Variants in SNX27 observed in about 807,000 individuals in gnomAD.
SNX27 encodes sorting nexin-27.
Under a neutral mutation model 71.6 loss-of-function variants are expected in SNX27, and 22 were observed. The observed-to-expected ratio is 0.31, with a 90% CI of 0.22 to 0.44. The LOEUF (loss-of-function observed/expected upper bound fraction) is 0.44, where lower values mean the gene tolerates loss of function less well. Ranked by LOEUF, SNX27 falls within the 20% of genes least tolerant of loss-of-function variation. The pLI, the probability that SNX27 is intolerant of heterozygous loss-of-function variation, is 1.00. For missense variants in SNX27, 531 were observed against 698.6 expected (o/e 0.76, Z 2.70); for synonymous variants, 269 against 277.2 (o/e 0.97, Z 0.29).
At chr1:151,664,792 A>C (rs1670116399) in intron 5 of SNX27, among the ~76,000 whole-genome samples, 1 of 152,158 alleles carries the variant, frequency 6.6e-6, no homozygotes, top group African/African-American at 2.4e-5. Flanking sequence ...CTATTTTTAC[A>C]GCTTTCTGAT....
chr1:151,626,192 C>T (rs779509424), intron 1 of SNX27, among the ~76,000 whole-genome samples: 2 of 150,456 alleles, frequency 1.3e-5, no homozygotes, highest in Non-Finnish European at 3.0e-5. Flanking sequence ...AAAAAGGTAC[C>T]AAAGGATTTG....
intron 2 of SNX27, among the ~76,000 whole-genome samples, chr1:151,651,234 A>AC (rs1265053381): frequency 5.8e-5 from 8 of 136,858 alleles, no homozygotes; most frequent in Admixed American, 2.2e-4. Context: ...CGGGGGGCTG[A>AC]CCCCCCGACC....
In SNX27 at chr1:151,694,509, G is replaced by A; in HGVS notation, c.*92G>A. 7.6e-7 allele frequency: 1 copy of A among 1,318,250 alleles called. No individual in the cohort carries two copies. The highest frequency in any genetic ancestry group is 1.0e-6 in the Non-Finnish European group (1 of 971,618). The allele number at this position is 1,318,250 out of a possible 1,614,324, so 81.7% of individuals were successfully genotyped here. ...CAGAGTAACCATTAACAAAAAAGAA[G>A]AGAAAAAGTTAAAGTCGTTATATTC... is the stretch of plus-strand genomic sequence containing the variant. On this transcript the variant is annotated 3_prime_UTR_variant, in exon 12 of 12. Transcript: ENST00000458013.
At chr1:151,665,861 A>T (rs1319245480) in intron 5 of SNX27, 72 bp from the exon 6 acceptor site, 17 of 1,302,708 alleles carry the variant, frequency 1.3e-5, no homozygotes, top group Non-Finnish European at 1.9e-5. Flanking sequence ...CTCCACAGAC[A>T]TACACCTGCT....
At chr1:151,645,342 C>T (rs1185259030) in intron 2 of SNX27, among the ~76,000 whole-genome samples, 1 of 152,116 alleles carries the variant, frequency 6.6e-6, no homozygotes, top group Non-Finnish European at 1.5e-5. Context: ...GAGAATGGGT[C>T]ATATTCTTCT....
At chr1:151,635,620 A>G (rs6702842) in intron 1 of SNX27, among the ~76,000 whole-genome samples, 48,825 of 151,936 alleles carry the variant, frequency 0.32, 8,046 homozygotes, top group Middle Eastern at 0.44. Flanking sequence ...CCCTTTTTCA[A>G]ATCAGACATC....
At position 151,620,694 on chromosome 1, in the gene SNX27, CT is replaced by C. The variant is rs35641892; in HGVS notation, c.311+8195del. 2.3e-3 allele frequency among the ~76,000 whole-genome samples: 328 copies of C among 143,694 alleles called. 2 individuals are homozygous for C. The highest frequency in any genetic ancestry group is 7.6e-3 in the African/African-American group (295 of 39,020). The allele number at this position is 143,694 out of a possible 152,430, so 94.3% of individuals were successfully genotyped here. Reference sequence around the variant, plus strand: ...AGTCTGTTCCTCTGATTTGAAGATGCTTTTTTTTTTTTTGTGACAGAGTCTT... The same window carrying C: ...AGTCTGTTCCTCTGATTTGAAGATGCTTTTTTTTTTTTGTGACAGAGTCTT... On this transcript the variant is annotated intron_variant, in intron 1 of 11. Transcript: ENST00000458013.
chr1:151,643,195 C>T lies in SNX27; in HGVS notation c.543+4076C>T, dbSNP rs1668858183. Among the ~76,000 whole-genome samples, 5 of 148,662 alleles carry T rather than the reference C, an allele frequency of 3.4e-5. No homozygotes were observed. The South Asian group carries it at 6.4e-4, about 19-fold the overall frequency. On this transcript the variant is annotated intron_variant, in intron 2 of 11. Coordinates refer to ENST00000458013, the MANE Select transcript of SNX27 (RefSeq NM_001330723.2). ...GTCAGGCTGGTCTGGAACTCCTGAC[C>T]TCAAGTGATCCGCCCGCCTCGGCCT... is the stretch of plus-strand genomic sequence containing the variant.
At chr1:151,692,868 T>C in intron 9 of SNX27, 43 bp from the exon 10 acceptor site, 1 of 1,613,144 alleles carries the variant, frequency 6.2e-7, no homozygotes, top group Non-Finnish European at 8.5e-7. Context: ...CCCAGCACTC[T>C]GAAACACAGA....
intron 2 of SNX27, among the ~76,000 whole-genome samples, chr1:151,656,834 A>G (rs1669717632): frequency 6.6e-6 from 1 of 152,226 alleles, no homozygotes. Flanking sequence ...ATGAAACTAT[A>G]GTATAATATT....
intron 2 of SNX27, among the ~76,000 whole-genome samples, chr1:151,642,376 A>G (rs1338415332): frequency 2.0e-5 from 3 of 151,942 alleles, no homozygotes; most frequent in Non-Finnish European, 2.9e-5. Context: ...AACATCTCAA[A>G]AAAGAAAAAA....
In SNX27 at chr1:151,612,390, G is replaced by A. The variant is rs759507012; in HGVS notation, c.189G>A (p.Glu63=). 24 of 1,531,520 alleles carry A rather than the reference G, an allele frequency of 1.6e-5. No individual in the cohort carries two copies. The highest frequency in any genetic ancestry group is 2.1e-5 in the Admixed American group (1 of 48,094). The allele number at this position is 1,531,520 out of a possible 1,614,324, so 94.9% of individuals were successfully genotyped here. A position where few individuals can be genotyped will look rare whatever the true frequency, so the allele number is the denominator to read the frequency against. Residue 63 remains glutamate (E), a synonymous_variant, in exon 1 of 12, where the codon GAG becomes GAA. Transcript: ENST00000458013. The surrounding 1 kb of genome is among the most constrained non-coding windows in gnomAD (Gnocchi z 5.2). The stretch of plus-strand genomic sequence containing the variant: ...TCAACGTGCGGGGCCAAGTGAGCGA[G>A]GGCGGGCAACTGCGGAGCATCAACG... ...YGFNVRGQVS[E]GGQLRSINGE...
Position 151,625,074 on chromosome 1 carries a change from ATTC to A in SNX27, c.311+12565_311+12567del, listed in dbSNP as rs1164840952. ...AAGCAACTTATTTGACAAGTTATTT[ATTC>A]TTTTTTTTCCTTTTTGGGAAGACCA... On this transcript the variant is annotated intron_variant, in intron 1 of 11. Coordinates refer to ENST00000458013, the MANE Select transcript of SNX27 (RefSeq NM_001330723.2). Among the ~76,000 whole-genome samples the A allele has an allele frequency of 2.0e-5, 3 of 152,208 alleles. No individual in the cohort carries two copies. In the East Asian group the frequency reaches 5.8e-4, roughly 29 times the overall value.
Position 151,653,706 on chromosome 1 carries a change from A to G in SNX27, c.544-4529A>G, listed in dbSNP as rs557166762. On this transcript the variant is annotated intron_variant, in intron 2 of 11. Coordinates refer to ENST00000458013, the MANE Select transcript of SNX27 (RefSeq NM_001330723.2). Reference sequence around the variant, plus strand: ...CTAATTTTTTTTTTACTTTTTGTAGAGACAGAGTCCCACTATTTTGTTCAG... The same window carrying G: ...CTAATTTTTTTTTTACTTTTTGTAGGGACAGAGTCCCACTATTTTGTTCAG... 7.9e-5 allele frequency among the ~76,000 whole-genome samples: 12 copies of G among 152,076 alleles called. No individual in the cohort carries two copies. In the East Asian group the frequency reaches 2.3e-3, roughly 29 times the overall value.
intron 7 of SNX27, 78 bp downstream of exon 7, chr1:151,668,713 A>AAGGATTTACAGGG: frequency 7.4e-7 from 1 of 1,356,688 alleles, no homozygotes; most frequent in Non-Finnish European, 1.0e-6. Context: ...AATTCCCTGT[A>AAGGATTTACAGGG]AATCCTTAGA....
At chr1:151,633,532 A>T (rs1460399525) in intron 1 of SNX27, among the ~76,000 whole-genome samples, 2 of 142,974 alleles carry the variant, frequency 1.4e-5, no homozygotes, top group African/African-American at 2.5e-5. Context: ...TCCTGAGCTC[A>T]AGTGATCCGC....
chr1:151,689,108 A>C (rs72692752), intron 8 of SNX27, among the ~76,000 whole-genome samples: 6,984 of 152,264 alleles, frequency 0.046, 235 homozygotes, highest in Non-Finnish European at 0.074. Context: ...CTTTTGATTC[A>C]GAGGGGACGG....
At chr1:151,664,920 T>C (rs1314219212) in intron 5 of SNX27, among the ~76,000 whole-genome samples, 1 of 152,188 alleles carries the variant, frequency 6.6e-6, no homozygotes, top group Non-Finnish European at 1.5e-5. Flanking sequence ...TTTCTAAACC[T>C]TGAAAGCATT....
chr1:151,664,875 C>T (rs1373003232), intron 5 of SNX27, among the ~76,000 whole-genome samples: 1 of 152,012 alleles, frequency 6.6e-6, no homozygotes, highest in African/African-American at 2.4e-5. Flanking sequence ...ACTTTCCTCC[C>T]AACTCTGTTA....
Sources: gnomAD v4.1 joint callset for allele counts (sites outside exome capture counted in the v4.1 genomes callset) on GRCh38, gnomAD v4.1.1 for gene constraint, Gnocchi (gnomAD v3.1) non-coding constraint, MANE v1.5 for transcripts, NCBI Gene and HGNC (gene_info 2026-07-23, HGNC 2026-07-21) for gene names.